Variants in GRB10 observed in about 807,000 individuals in gnomAD.
GRB10 encodes the protein growth factor receptor bound protein 10.
GRB10 carries 20 observed loss-of-function variants against 80.9 expected under a neutral mutation model. That is an observed-to-expected ratio of 0.25 (90% CI 0.17 to 0.36). The LOEUF is 0.36. Ranked by LOEUF, GRB10 falls within the 10% of genes least tolerant of loss-of-function variation. GRB10 has a pLI of 1.00. For missense variants in GRB10, 548 were observed against 747.7 expected, an observed-to-expected ratio of 0.73 and a Z score of 3.12; for synonymous variants, 291 against 291.5, an observed-to-expected ratio of 1.00 and a Z score of 0.02.
At chr7:50,718,687 C>G (rs2067253137) in intron 4 of GRB10, among the ~76,000 whole-genome samples, 1 of 152,174 alleles carries the variant, frequency 6.6e-6, no homozygotes. Flanking sequence ...GTTTCAAAAA[C>G]ACATTAACAC....
At chr7:50,787,834 G>A (rs1361777393), upstream of GRB10, among the ~76,000 whole-genome samples, 1 of 152,230 alleles carries the variant, frequency 6.6e-6, no homozygotes. Flanking sequence ...ACAGACACCT[G>A]GAAGCTCAGG....
intron 5 of GRB10, among the ~76,000 whole-genome samples, chr7:50,674,954 C>T (rs2060761835): frequency 6.6e-6 from 1 of 152,186 alleles, no homozygotes; most frequent in Non-Finnish European, 1.5e-5. Context: ...GCACCCCCTT[C>T]TCTCCTCCCC....
chr7:50,657,038 T>C (rs1412843271), intron 7 of GRB10, among the ~76,000 whole-genome samples: 1 of 152,218 alleles, frequency 6.6e-6, no homozygotes, highest in African/African-American at 2.4e-5. Flanking sequence ...TAGGTAAATA[T>C]GGCACAAATC....
intron 2 of GRB10, among the ~76,000 whole-genome samples, chr7:50,764,187 C>T (rs2076083167): frequency 6.6e-6 from 1 of 152,236 alleles, no homozygotes; most frequent in African/African-American, 2.4e-5. Context: ...CAAGGCTCCC[C>T]ATCCACCCTG....
intron 5 of GRB10, among the ~76,000 whole-genome samples, chr7:50,676,337 G>GC (rs1491073174): frequency 1.1e-4 from 1 of 9,002 alleles, no homozygotes; most frequent in African/African-American, 8.0e-4. Flanking sequence ...CACCCCACCG[G>GC]GGGGGGGGGG....
intron 4 of GRB10, among the ~76,000 whole-genome samples, chr7:50,721,237 A>C (rs1357732211): frequency 1.3e-5 from 2 of 152,250 alleles, no homozygotes; most frequent in Non-Finnish European, 2.9e-5. Flanking sequence ...CAATTCCAGA[A>C]ATAAATAATT....
rs569903214 is a variant in GRB10 at position 50,607,414 on chromosome 7, G to A, written c.1195-1000C>T. 9.8e-5 allele frequency among the ~76,000 whole-genome samples: 15 copies of A among 152,314 alleles called. No individual in the cohort carries two copies. The East Asian group carries it at 2.9e-3, about 29-fold the overall frequency. On this transcript the variant is annotated intron_variant, in intron 13 of 18. Coordinates refer to ENST00000401949, the MANE Select transcript of GRB10 (RefSeq NM_001350814.2). ...CATTCAACTTCACATTCAATATGGT[G>A]CATGCCTCAGTGCTGCTGCTACTGT...
At chr7:50,628,324 G>A (rs539321421) in intron 7 of GRB10, among the ~76,000 whole-genome samples, 12 of 152,262 alleles carry the variant, frequency 7.9e-5, no homozygotes, top group Admixed American at 7.2e-4. Context: ...GAGGCTCCCC[G>A]CTCTCTCTGG....
At chr7:50,732,223 C>A (rs779530276) in intron 4 of GRB10, 49 bp downstream of exon 4, 4 of 1,591,878 alleles carry the variant, frequency 2.5e-6, no homozygotes, top group Non-Finnish European at 3.4e-6. Flanking sequence ...TGCCCTGGCC[C>A]TCGACCAGCA....
intron 2 of GRB10, chr7:50,761,648 A>T (rs1439766979): frequency 2.6e-5 from 4 of 152,252 alleles, no homozygotes; most frequent in Non-Finnish European, 4.4e-5. Context: ...GAAGAAACAG[A>T]AACGAGGTGT....
chr7:50,718,303 AC>A (rs1314897409), intron 4 of GRB10, among the ~76,000 whole-genome samples: 2 of 152,130 alleles, frequency 1.3e-5, no homozygotes, highest in Non-Finnish European at 2.9e-5. Context: ...TGCTGGCATT[AC>A]CTTCACCTCC....
At chr7:50,732,251 G>T in intron 4 of GRB10, 21 bp downstream of exon 4, 1 of 1,613,146 alleles carries the variant, frequency 6.2e-7, no homozygotes, top group South Asian at 1.1e-5. Context: ...GCCAGGATCA[G>T]ATATATGTGC....
At chr7:50,689,827 T>A (rs58918618) in intron 5 of GRB10, among the ~76,000 whole-genome samples, 1,935 of 152,094 alleles carry the variant, frequency 0.013, 45 homozygotes, top group African/African-American at 0.044. Context: ...TTTTTTTTTT[T>A]ATTTTTTACT....
intron 17 of GRB10, among the ~76,000 whole-genome samples, chr7:50,602,660 C>T (rs570581619): frequency 7.5e-4 from 114 of 152,216 alleles, no homozygotes; most frequent in Admixed American, 1.6e-3. Context: ...CATCTAAATG[C>T]CATTTGTGGG....
At chr7:50,710,746 C>A in intron 4 of GRB10, 1 of 1,001,878 alleles carries the variant, frequency 1.0e-6, no homozygotes, top group Non-Finnish European at 1.6e-6. Flanking sequence ...TTCGGGGTAT[C>A]TCCACACCTT....
rs1364954585 is a variant in GRB10, at chr7:50,718,886, C to G, written c.51+13386G>C. ...TCAAAATCTTTACCCAAGGGTGACA[C>G]AGTCATGGATAACCAATCACAGAGT... On this transcript the variant is annotated intron_variant, in intron 4 of 18. Transcript: ENST00000401949. 5.3e-5 allele frequency among the ~76,000 whole-genome samples: 8 copies of G among 152,108 alleles called. No homozygotes were observed. The South Asian group carries it at 1.7e-3, about 32-fold the overall frequency.
intron 5 of GRB10, among the ~76,000 whole-genome samples, chr7:50,700,931 G>C (rs966781824): frequency 6.6e-6 from 1 of 152,190 alleles, no homozygotes; most frequent in African/African-American, 2.4e-5. Context: ...CTGTCTGTTG[G>C]GTAGAGGGAG....
At chr7:50,609,955 T>TGTGTAGGTAAAGATGTA (rs2049214903) in intron 13 of GRB10, among the ~76,000 whole-genome samples, 2 of 152,212 alleles carry the variant, frequency 1.3e-5, no homozygotes, top group East Asian at 3.8e-4. Context: ...AAAGTGTATC[T>TGTGTAGGTAAAGATGTA]GTGTAGGTAA....
chr7:50,668,279 G>T (rs1441517991), intron 7 of GRB10, among the ~76,000 whole-genome samples: 1 of 152,202 alleles, frequency 6.6e-6, no homozygotes, highest in Non-Finnish European at 1.5e-5. Context: ...GCAGAGAAAG[G>T]GATGGCTGGC....
Sources: gnomAD v4.1 joint callset for allele counts (sites outside exome capture counted in the v4.1 genomes callset) on GRCh38, gnomAD v4.1.1 for gene constraint, MANE v1.5 for transcripts, NCBI Gene and HGNC (gene_info 2026-07-23, HGNC 2026-07-21) for gene names.